TTI1: variants seen among roughly 807,000 people sequenced by gnomAD.
TTI1 encodes the protein TELO2-interacting protein 1 homolog.
A neutral mutation model predicts 85.4 loss-of-function variants in TTI1; 52 were observed. That is an observed-to-expected ratio of 0.61 (90% CI 0.49 to 0.77). TTI1 has a LOEUF of 0.77. TTI1 is among the 30% of genes least tolerant of loss of function. The probability of loss-of-function intolerance (pLI) is 0.00; values close to 1 mark genes in which losing one functional copy is unlikely to be tolerated. For missense variants in TTI1, 1,173 were observed against 1,296.0 expected, an observed-to-expected ratio of 0.91 and a Z score of 1.46; for synonymous variants, 512 against 503.9, an observed-to-expected ratio of 1.02 and a Z score of -0.22.
Position 38,017,259 on chromosome 20 carries a change from G to A in TTI1, c.-41-3402C>T, listed in dbSNP as rs183061215. Among the ~76,000 whole-genome samples the A allele has an allele frequency of 5.8e-4, 88 of 152,226 alleles. 1 individual carries two copies. Among genetic ancestry groups the A allele is most frequent in the Admixed American group, 1.9e-3 (29 of 15,300 alleles). ...TCCAAGTAGGATATAGTATGGTTTG[G>A]CAGGCTAATACTCCTGCCAATGACT... On this transcript the variant is annotated intron_variant, in intron 1 of 7. Coordinates refer to ENST00000373447, the MANE Select transcript of TTI1 (RefSeq NM_001303457.2).
At position 38,012,927 on chromosome 20, in the gene TTI1, CA is replaced by C. The variant is rs1451164597; in HGVS notation, c.889del (p.Cys297ValfsTer10). The C allele has an allele frequency of 6.2e-7, 1 of 1,614,170 alleles. No homozygotes were observed. Among genetic ancestry groups the C allele is most frequent in the Admixed American group, 1.7e-5 (1 of 60,024 alleles). ...LTILIKKIIE[C>X]VSVHPHWKVR... ...CTTCCAGTGTGGGTGAACAGAAACA[CA>C]CTCAATTATCTTTTTAATAAGGATA... On this transcript the variant is annotated frameshift_variant, in exon 2 of 8. Transcript: ENST00000373447. LOFTEE classifies it high-confidence loss of function.
intron 1 of TTI1, chr20:38,018,903 A>C (rs978257440): frequency 6.6e-6 from 1 of 152,176 alleles, no homozygotes; most frequent in Non-Finnish European, 1.5e-5. Flanking sequence ...TAATCCCAGC[A>C]CTTTGAGAGG....
At chr20:38,006,504 T>G in intron 2 of TTI1, 107 bp from the exon 3 acceptor site, 1 of 1,263,160 alleles carries the variant, frequency 7.9e-7, no homozygotes, top group East Asian at 2.4e-5. Context: ...CCCACATGAT[T>G]CAGTCCCTGC....
chr20:38,011,183 C>T (rs368521625), intron 2 of TTI1, among the ~76,000 whole-genome samples: 1 of 152,182 alleles, frequency 6.6e-6, no homozygotes, highest in East Asian at 1.9e-4. Flanking sequence ...TGTCATAAAT[C>T]CTGATTTTAT....
intron 7 of TTI1, among the ~76,000 whole-genome samples, chr20:37,990,953 A>AAT (rs756637063): frequency 2.0e-5 from 3 of 152,220 alleles, no homozygotes; most frequent in Non-Finnish European, 2.9e-5. Context: ...AGTAGATTTA[A>AAT]GTAGCCCAGA....
chr20:38,008,991 TA>T (rs984304035), intron 2 of TTI1, among the ~76,000 whole-genome samples: 2 of 151,640 alleles, frequency 1.3e-5, no homozygotes, highest in African/African-American at 4.9e-5. Context: ...TTTTTTTTTT[TA>T]AAAGCACTAC....
In TTI1 at chr20:38,012,375, T is replaced by C. The variant is rs2073609627; in HGVS notation, c.1442A>G (p.Asp481Gly). Residue 481 changes from aspartate to glycine, a missense_variant, in exon 2 of 8, where the codon GAT (aspartate) becomes GGT (glycine). By Grantham distance (94) the Asp-to-Gly change is moderately conservative. Coordinates refer to ENST00000373447, the MANE Select transcript of TTI1 (RefSeq NM_001303457.2). The part of the protein sequence containing the change: ...IQRRYFRFFT[D>G]ERIFMLLRQV... ...CCTCAAGAGCATGAAGATTCTCTCA[T>C]CAGTGAAGAAGCGGAAATATCTCCT... 6.2e-7 allele frequency: 1 copy of C among 1,614,192 alleles called. No individual in the cohort carries two copies. Among genetic ancestry groups the C allele is most frequent in the African/African-American group, 1.3e-5 (1 of 75,052 alleles).
chr20:38,011,414 C>T, intron 2 of TTI1, 101 bp downstream of exon 2: 3 of 1,332,026 alleles, frequency 2.3e-6, no homozygotes, highest in Non-Finnish European at 3.0e-6. Flanking sequence ...AAAACGTCCT[C>T]CATAGCATCA....
chr20:38,007,419 CAGAAA>C (rs1416489832), intron 2 of TTI1, among the ~76,000 whole-genome samples: 5 of 152,206 alleles, frequency 3.3e-5, no homozygotes, highest in Non-Finnish European at 5.9e-5. Context: ...TAGGGCTTCA[CAGAAA>C]TGTCTCATGG....
At chr20:38,005,998 A>G in intron 3 of TTI1, 199 bp downstream of exon 3, 1 of 606,672 alleles carries the variant, frequency 1.6e-6, no homozygotes, top group East Asian at 3.2e-5. Context: ...AAGGGTACAC[A>G]GCTGCAACCA....
chr20:38,029,816 C>A (rs1600661913), intron 1 of TTI1, among the ~76,000 whole-genome samples: 1 of 152,074 alleles, frequency 6.6e-6, no homozygotes, highest in Non-Finnish European at 1.5e-5. Context: ...GAACTGGTGG[C>A]TTTATAAGAG....
intron 3 of TTI1, among the ~76,000 whole-genome samples, chr20:38,005,490 AATAAGG>A (rs2073483134): frequency 6.6e-6 from 1 of 152,210 alleles, no homozygotes; most frequent in Admixed American, 6.5e-5. Context: ...AGACAATGGG[AATAAGG>A]AAAAAAAACC....
chr20:37,996,903 G>C lies in TTI1; in HGVS notation c.2844C>G (p.Phe948Leu). 1.2e-6 allele frequency: 2 copies of C among 1,614,186 alleles called. No homozygotes were observed. Among genetic ancestry groups the C allele is most frequent in the Middle Eastern group, 1.6e-4 (1 of 6,062 alleles). ...CCAGCTTTGGCAGGACATCTTTGCA[G>C]AACCGGCTGCGAAGAAAGTCACCAC... is the stretch of plus-strand genomic sequence containing the variant. ...SKCGDFLRSR[F>L]CKDVLPKLAG... Residue 948 changes from phenylalanine to leucine, a missense_variant, in exon 6 of 8, where the codon TTC becomes TTG. Phe to Leu is a conservative substitution (Grantham distance 22). Coordinates refer to ENST00000373447, the MANE Select transcript of TTI1 (RefSeq NM_001303457.2).
chr20:37,984,513 G>C (rs1341157569), intron 7 of TTI1, among the ~76,000 whole-genome samples: 1 of 152,224 alleles, frequency 6.6e-6, no homozygotes, highest in Non-Finnish European at 1.5e-5. Context: ...GTGTTGGGCA[G>C]TCTAAGCGTA....
At chr20:37,991,623 C>T (rs2073266453) in intron 7 of TTI1, among the ~76,000 whole-genome samples, 1 of 152,168 alleles carries the variant, frequency 6.6e-6, no homozygotes, top group African/African-American at 2.4e-5. Flanking sequence ...AGGTGAAATC[C>T]CCAGTTCAGA....
At chr20:38,029,211 G>A (rs532329406) in intron 1 of TTI1, among the ~76,000 whole-genome samples, 20 of 151,776 alleles carry the variant, frequency 1.3e-4, no homozygotes, top group South Asian at 1.0e-3. Context: ...AATAATCCAC[G>A]GAACAGAGAG....
At chr20:37,988,650 G>T (rs1420544457) in intron 7 of TTI1, among the ~76,000 whole-genome samples, 1 of 152,192 alleles carries the variant, frequency 6.6e-6, no homozygotes, top group Non-Finnish European at 1.5e-5. Context: ...CAGTGGTAAA[G>T]AACATGTGGC....
intron 5 of TTI1, among the ~76,000 whole-genome samples, chr20:37,997,625 A>G (rs2073361766): frequency 6.6e-6 from 1 of 152,204 alleles, no homozygotes; most frequent in African/African-American, 2.4e-5. Context: ...CTGAGTATAC[A>G]GGATAATAGG....
Position 37,999,242 on chromosome 20 carries a change from C to G in TTI1, c.2739G>C (p.Ser913=). Residue 913 remains serine, a synonymous_variant, in exon 5 of 8, where the codon TCG becomes TCC. Transcript: ENST00000373447. ...LLPLAHQAWP[S]LVHRLTRDAP... ...CGTCCCGTGTGAGTCGGTGAACGAG[C>G]GAGGGCCAGGCCTGATGAGCCAAGG... 6.6e-7 allele frequency: 1 copy of G among 1,522,350 alleles called. No homozygotes were observed. Among genetic ancestry groups the G allele is most frequent in the Non-Finnish European group, 8.8e-7 (1 of 1,132,202 alleles). The allele number at this position is 1,522,350 out of a possible 1,614,324, so 94.3% of individuals were successfully genotyped here. A position where few individuals can be genotyped will look rare whatever the true frequency, so the allele number is the denominator to read the frequency against.
Sources: gnomAD v4.1 joint callset for allele counts (sites outside exome capture counted in the v4.1 genomes callset) on GRCh38, gnomAD v4.1.1 for gene constraint, MANE v1.5 for transcripts, NCBI Gene and HGNC (gene_info 2026-07-23, HGNC 2026-07-21) for gene names.